SELENON: variants seen among roughly 807,000 people sequenced by gnomAD.
SELENON encodes the protein selenoprotein N, also known as selenoprotein N, 1.
A neutral mutation model predicts 59.5 loss-of-function variants in SELENON; 44 were observed. That is an observed-to-expected ratio of 0.74 (90% CI 0.58 to 0.95). The LOEUF (loss-of-function observed/expected upper bound fraction) is 0.95, where lower values mean the gene tolerates loss of function less well. SELENON is among the 40% of genes least tolerant of loss of function. The pLI is 0.00. For synonymous variants in SELENON, 320 were observed against 305.6 expected (o/e 1.05, Z -0.49); for missense variants, 674 against 721.4 (o/e 0.93, Z 0.75).
Position 25,807,900 on chromosome 1 carries a change from G to T in SELENON, c.538-680G>T, listed in dbSNP as rs1292509486. ...GAGGCAGGTCACCGATGAGGACTCG[G>T]GCTTAGGGAAGGCCTTTTGCCCAGG... On this transcript the variant is annotated intron_variant, in intron 4 of 12. Coordinates refer to ENST00000361547, the MANE Select transcript of SELENON (RefSeq NM_020451.3). This position sits in a 1 kb window ranked among gnomAD's most constrained non-coding sequence, Gnocchi z 4.5. 3.9e-5 allele frequency among the ~76,000 whole-genome samples: 6 copies of T among 152,220 alleles called. No individual in the cohort carries two copies. Among genetic ancestry groups the T allele is most frequent in the Non-Finnish European group, 7.3e-5 (5 of 68,046 alleles).
At chr1:25,812,904 G>A in intron 10 of SELENON, 112 bp downstream of exon 9, 1 of 771,816 alleles carries the variant, frequency 1.3e-6, no homozygotes, top group Non-Finnish European at 2.2e-6. Flanking sequence ...GGGCCTCAGG[G>A]ACTGCCCATG....
chr1:25,804,744 G>A (rs2047891027), intron 3 of SELENON, among the ~76,000 whole-genome samples: 1 of 144,008 alleles, frequency 6.9e-6, no homozygotes, highest in Admixed American at 7.6e-5. Context: ...GCCTGTTTCT[G>A]TTTCTTGCTT....
chr1:25,813,663 G>A (rs1322003146), intron 10 of SELENON: 2 of 633,160 alleles, frequency 3.2e-6, no homozygotes, highest in East Asian at 3.2e-5. Context: ...CCCAGGGCCA[G>A]GTAGAACCCC....
At chr1:25,810,689 G>A (rs1402937141) in intron 7 of SELENON, among the ~76,000 whole-genome samples, 2 of 152,192 alleles carry the variant, frequency 1.3e-5, no homozygotes, top group South Asian at 2.1e-4. Flanking sequence ...AGAGAAAATT[G>A]CCCCTAGGAG....
chr1:25,813,552 A>C (rs2047984693), intron 10 of SELENON: 1 of 402,202 alleles, frequency 2.5e-6, no homozygotes, highest in East Asian at 6.3e-5. Flanking sequence ...GAGTTTCTCA[A>C]GTGACCGGAT....
In SELENON at chr1:25,815,841, A is replaced by C; in HGVS notation, c.*123A>C. The C allele has an allele frequency of 9.7e-7, 1 of 1,033,784 alleles. No homozygotes were observed. The highest frequency in any genetic ancestry group is 1.4e-6 in the Non-Finnish European group (1 of 699,204). The allele number at this position is 1,033,784 out of a possible 1,614,324, so 64.0% of individuals were successfully genotyped here. A position where few individuals can be genotyped will look rare whatever the true frequency, so the allele number is the denominator to read the frequency against. On this transcript the variant is annotated 3_prime_UTR_variant, in exon 13 of 13. Transcript: ENST00000361547. ...ACTCCTAGGCTGCCTTGGAGGGTAC[A>C]AGATCCACTGAGGGTGGCCACCACA...
intron 3 of SELENON, among the ~76,000 whole-genome samples, chr1:25,802,357 TTTG>T (rs373319536): frequency 9.9e-5 from 15 of 151,970 alleles, no homozygotes; most frequent in East Asian, 9.7e-4. Flanking sequence ...TATTCCATTC[TTTG>T]TTGTTGTTGT....
rs147597123 is a variant in SELENON, at chr1:25,806,018, A to G, written c.537+743A>G. On this transcript the variant is annotated intron_variant, in intron 4 of 12. Coordinates refer to ENST00000361547, the MANE Select transcript of SELENON (RefSeq NM_020451.3). Reference sequence around the variant, plus strand: ...TTCCAAATCCCCAGGCTTTCTTCCAACTGGGAGCCTTCTCACATGTGGTTC... The same window carrying G: ...TTCCAAATCCCCAGGCTTTCTTCCAGCTGGGAGCCTTCTCACATGTGGTTC... Among the ~76,000 whole-genome samples the G allele has an allele frequency of 1.3e-3, 199 of 152,212 alleles. 1 individual carries two copies. Among genetic ancestry groups the G allele is most frequent in the African/African-American group, 4.5e-3 (188 of 41,520 alleles).
intron 6 of SELENON, 138 bp downstream of exon 5, chr1:25,809,288 G>C (rs2047937738): frequency 7.5e-7 from 1 of 1,340,146 alleles, no homozygotes; most frequent in Non-Finnish European, 1.0e-6. Flanking sequence ...TTGGCTCTCT[G>C]AGCCTCAGTT....
chr1:25,802,148 GC>G, intron 3 of SELENON: 1 of 222,774 alleles, frequency 4.5e-6, no homozygotes, highest in Middle Eastern at 1.1e-3. Flanking sequence ...GTGCTACCAC[GC>G]CCAGCTGATT....
chr1:25,808,763 T>C lies in SELENON; in HGVS notation c.721T>C (p.Tyr241His). 6.2e-7 allele frequency: 1 copy of C among 1,613,870 alleles called. No homozygotes were observed. Among genetic ancestry groups the C allele is most frequent in the Non-Finnish European group, 8.5e-7 (1 of 1,179,952 alleles). The change falls in exon 5 of 13, where the codon TAT (tyrosine) becomes CAT (histidine). Residue 241 changes from tyrosine (Y) to histidine (H), a missense_variant. Physicochemically the swap from Tyr to His is moderately conservative, Grantham distance 83. Coordinates refer to ENST00000361547, the MANE Select transcript of SELENON (RefSeq NM_020451.3). ...TGGCTACCTGTCCAACAACCGCTTC[T>C]ATCCACCGCCGCCCAAGGGCAAGGA...
At chr1:25,812,825 T>C (rs1172431374) in intron 10 of SELENON, 33 bp downstream of exon 9, 1 of 1,525,612 alleles carries the variant, frequency 6.6e-7, no homozygotes, top group Non-Finnish European at 9.0e-7. Context: ...AGGGGAGCAG[T>C]GGGAAAGTCC....
At chr1:25,801,839 G>A (rs1205053764) in intron 2 of SELENON, among the ~76,000 whole-genome samples, 1 of 152,150 alleles carries the variant, frequency 6.6e-6, no homozygotes, top group African/African-American at 2.4e-5. Flanking sequence ...GCACAGGCAG[G>A]CTCCCCAGTT....
intron 9 of SELENON, 114 bp from the exon 9 acceptor site, chr1:25,812,573 A>T (rs980073448): frequency 4.7e-6 from 2 of 422,746 alleles, no homozygotes; most frequent in Middle Eastern, 1.4e-3. Context: ...AAACACACAC[A>T]CACACACACA....
At chr1:25,805,305 A>G in intron 4 of SELENON, 30 bp downstream of exon 3, 1 of 1,613,618 alleles carries the variant, frequency 6.2e-7, no homozygotes, top group Non-Finnish European at 8.5e-7. Context: ...CAGTGGGGTC[A>G]TCTGTGTGTA....
rs1200087696 is a variant in SELENON, at chr1:25,802,081, C to G, written c.367C>G (p.Pro123Ala). ...TCACAGCTCACTGCAGCCTCAACTTCCCTGGCTCAATTGATCCTCCTGCCT... is the reference window on the plus strand; with the variant it reads ...TCACAGCTCACTGCAGCCTCAACTTGCCTGGCTCAATTGATCCTCCTGCCT... The change falls in exon 3 of 13, where the codon CCC (proline) becomes GCC (alanine). Residue 123 changes from proline (P) to alanine (A), a missense_variant. Physicochemically the swap from Pro to Ala is conservative, Grantham distance 27. Transcript: ENST00000361547. The G allele has an allele frequency of 3.2e-6, 1 of 309,708 alleles. No individual in the cohort carries two copies. Among genetic ancestry groups the G allele is most frequent in the Non-Finnish European group, 6.7e-6 (1 of 149,130 alleles). The allele number at this position is 309,708 out of a possible 1,614,324, so 19.2% of individuals were successfully genotyped here. A position where few individuals can be genotyped will look rare whatever the true frequency, so the allele number is the denominator to read the frequency against.
chr1:25,814,864 T>C (rs2047997006), intron 12 of SELENON, among the ~76,000 whole-genome samples: 1 of 151,904 alleles, frequency 6.6e-6, no homozygotes, highest in Non-Finnish European at 1.5e-5. Flanking sequence ...CTCAGGATCT[T>C]AGGATGGGAG....
At chr1:25,804,923 T>C (rs983994215) in intron 3 of SELENON, among the ~76,000 whole-genome samples, 10 of 152,266 alleles carry the variant, frequency 6.6e-5, no homozygotes, top group African/African-American at 1.7e-4. Flanking sequence ...CTGAACACTT[T>C]CTCATTTGTC....
chr1:25,803,431 A>G (rs2047876796), intron 3 of SELENON, among the ~76,000 whole-genome samples: 1 of 152,220 alleles, frequency 6.6e-6, no homozygotes, highest in Admixed American at 6.5e-5. Flanking sequence ...TCTATTTGGT[A>G]GAGTTATGAG....
Sources: gnomAD v4.1 joint callset for allele counts (sites outside exome capture counted in the v4.1 genomes callset) on GRCh38, gnomAD v4.1.1 for gene constraint, Gnocchi (gnomAD v3.1) non-coding constraint, MANE v1.5 for transcripts, NCBI Gene and HGNC (gene_info 2026-07-23, HGNC 2026-07-21) for gene names.